Variants in ELK4 observed in about 807,000 individuals in gnomAD.
ELK4 encodes ETS transcription factor ELK4.
A neutral mutation model predicts 29.6 loss-of-function variants in ELK4; 16 were observed. The observed-to-expected ratio is 0.54, with a 90% CI of 0.37 to 0.82. The LOEUF (loss-of-function observed/expected upper bound fraction) is 0.82, where lower values mean the gene tolerates loss of function less well. Among genes scored for constraint, ELK4 ranks in the 40% least tolerant of loss-of-function variants. The probability of loss-of-function intolerance (pLI) is 0.00; values close to 1 mark genes in which losing one functional copy is unlikely to be tolerated. For synonymous variants in ELK4, 213 were observed against 191.1 expected (o/e 1.11, Z -0.95); for missense variants, 465 against 507.1 (o/e 0.92, Z 0.80).
intron 4 of ELK4, among the ~76,000 whole-genome samples, chr1:205,618,004 A>G (rs1670264745): frequency 1.7e-5 from 1 of 60,056 alleles, no homozygotes; most frequent in Non-Finnish European, 3.9e-5. Context: ...AGAGAGCAAG[A>G]GAGAGAGAGA....
chr1:205,629,939 G>A (rs556071887), intron 1 of ELK4, among the ~76,000 whole-genome samples: 44 of 152,102 alleles, frequency 2.9e-4, no homozygotes, highest in African/African-American at 1.0e-3. Context: ...CTACTCGGGA[G>A]GCTGAGGTGG....
chr1:205,618,855 G>A, intron 4 of ELK4, 102 bp downstream of exon 4: 1 of 826,996 alleles, frequency 1.2e-6, no homozygotes, highest in Non-Finnish European at 1.9e-6. Context: ...TCATTAAATA[G>A]AAGTTTTATA....
rs886875546 is a variant in ELK4 at position 205,610,994 on chromosome 1, A to C, written c.*5552T>G. 3 of 222,624 alleles carry C rather than the reference A, an allele frequency of 1.3e-5. No individual in the cohort carries two copies. Among genetic ancestry groups the C allele is most frequent in the Admixed American group, 1.1e-4 (2 of 17,448 alleles). 13.8% of individuals were successfully genotyped at this position (222,624 alleles called of 1,614,324 possible). Reference sequence around the variant, plus strand: ...TTAACTATGTTTGATTGTATCCCTCATGAATTTTCTTGTTAAAAGTTTCCT... The same window carrying C: ...TTAACTATGTTTGATTGTATCCCTCCTGAATTTTCTTGTTAAAAGTTTCCT... On this transcript the variant is annotated 3_prime_UTR_variant, in exon 5 of 5. Coordinates refer to ENST00000357992, the MANE Select transcript of ELK4 (RefSeq NM_001973.4).
In ELK4 at chr1:205,611,322, C is replaced by T. The variant is rs1048555007; in HGVS notation, c.*5224G>A. ...TGACTTGTATAGTAACAGGTTCCACCAAGTACAAGAAATAAAATCAAACCA... is the reference window on the plus strand; with the variant it reads ...TGACTTGTATAGTAACAGGTTCCACTAAGTACAAGAAATAAAATCAAACCA... On this transcript the variant is annotated 3_prime_UTR_variant, in exon 5 of 5. Transcript: ENST00000357992. 3 of 210,144 alleles carry T rather than the reference C, an allele frequency of 1.4e-5. No individual in the cohort carries two copies. The highest frequency in any genetic ancestry group is 1.2e-4 in the Admixed American group (2 of 17,038). 13.0% of individuals were successfully genotyped at this position (210,144 alleles called of 1,614,324 possible). A position where few individuals can be genotyped will look rare whatever the true frequency, so the allele number is the denominator to read the frequency against.
Position 205,609,478 on chromosome 1 carries a change from TA to T in ELK4, c.*7067del. The T allele has an allele frequency of 5.2e-6, 1 of 192,790 alleles. No individual in the cohort carries two copies. The highest frequency in any genetic ancestry group is 1.1e-5 in the Non-Finnish European group (1 of 92,218). The allele number at this position is 192,790 out of a possible 1,614,324, so 11.9% of individuals were successfully genotyped here. On this transcript the variant is annotated 3_prime_UTR_variant, in exon 5 of 5. Coordinates refer to ENST00000357992, the MANE Select transcript of ELK4 (RefSeq NM_001973.4). ...AAACAAATAAATAGGCCTCAAGGAATAAAAAATTAATTGTATTCGTTTCTTT... is the reference window on the plus strand; with the variant it reads ...AAACAAATAAATAGGCCTCAAGGAATAAAAATTAATTGTATTCGTTTCTTT...
chr1:205,622,965 C>T (rs978380756), intron 2 of ELK4, among the ~76,000 whole-genome samples: 2 of 151,720 alleles, frequency 1.3e-5, no homozygotes, highest in African/African-American at 4.8e-5. Context: ...TGGTGAAACC[C>T]CACCTCTACT....
At chr1:205,623,453 G>A (rs1202675422) in intron 2 of ELK4, among the ~76,000 whole-genome samples, 3 of 151,746 alleles carry the variant, frequency 2.0e-5, no homozygotes, top group Non-Finnish European at 4.4e-5. Flanking sequence ...GGGATTACAG[G>A]TGCCCACCAC....
chr1:205,623,585 G>T (rs1427328429), intron 2 of ELK4, 91 bp downstream of exon 2: 4 of 1,447,628 alleles, frequency 2.8e-6, no homozygotes, highest in Admixed American at 1.7e-5. Flanking sequence ...AAAGTGCTGG[G>T]ATTACAGGCG....
In ELK4 at chr1:205,620,670, C is replaced by T. The variant is rs1391633158; in HGVS notation, c.376G>A (p.Asp126Asn). Residue 126 changes from aspartate to asparagine, a missense_variant, in exon 3 of 5, where the codon GAT (aspartate) becomes AAT (asparagine). This residue lies in a region of ELK4 where 385 missense variants were observed against 387.5 expected (regional missense o/e 0.99). Transcript: ENST00000357992. ...SSKDVENGGK[D>N]KPPQPGAKTS... is the part of the protein sequence containing the mutation. ...TTGGCACCAGGCTGAGGTGGTTTATCTTTCCCTCCATTCTCCACATCTTTG... is the reference window on the plus strand; with the variant it reads ...TTGGCACCAGGCTGAGGTGGTTTATTTTTCCCTCCATTCTCCACATCTTTG... 1.2e-6 allele frequency: 2 copies of T among 1,614,036 alleles called. No homozygotes were observed. The highest frequency in any genetic ancestry group is 1.3e-5 in the African/African-American group (1 of 74,902).
Position 205,613,354 on chromosome 1 carries a change from AAAAG to A in ELK4, c.*3188_*3191del, listed in dbSNP as rs1480497852. ...GAAAGATCTCATTTCTAAAAAAAGA[AAAAG>A]AAAAAGATCACTGAAGTCAGACATG... On this transcript the variant is annotated 3_prime_UTR_variant, in exon 5 of 5. Transcript: ENST00000357992. The A allele has an allele frequency of 1.6e-4, 29 of 185,932 alleles. No individual in the cohort carries two copies. The highest frequency in any genetic ancestry group is 2.5e-4 in the Non-Finnish European group (22 of 87,978). 11.5% of individuals were successfully genotyped at this position (185,932 alleles called of 1,614,324 possible). A position where few individuals can be genotyped will look rare whatever the true frequency, so the allele number is the denominator to read the frequency against.
chr1:205,620,847 T>TAAAAAA lies in ELK4; in HGVS notation c.208-15_208-10dup. ...ACTTTTTTGATGATATTCTGTAGGT[T>TAAAAAA]AAAAAAAAAAGCATTTTTATCCTTT... is the stretch of plus-strand genomic sequence containing the variant. On this transcript the variant is annotated splice_polypyrimidine_tract_variant and intron_variant, in intron 2 of 4. Transcript: ENST00000357992. The TAAAAAA allele has an allele frequency of 7.3e-7, 1 of 1,374,032 alleles. No individual in the cohort carries two copies. The highest frequency in any genetic ancestry group is 1.5e-5 in the African/African-American group (1 of 67,030). The allele number at this position is 1,374,032 out of a possible 1,614,324, so 85.1% of individuals were successfully genotyped here.
At chr1:205,616,905 C>CA (rs1252044185) in intron 4 of ELK4, among the ~76,000 whole-genome samples, 2 of 152,234 alleles carry the variant, frequency 1.3e-5, no homozygotes, top group Non-Finnish European at 2.9e-5. Flanking sequence ...TACCCTCCTT[C>CA]ATATCCTAAG....
Position 205,620,634 on chromosome 1 carries a change from G to T in ELK4, c.412C>A (p.Arg138Ser). The T allele has an allele frequency of 6.2e-7, 1 of 1,614,070 alleles. No individual in the cohort carries two copies. Among genetic ancestry groups the T allele is most frequent in the Non-Finnish European group, 8.5e-7 (1 of 1,180,004 alleles). The stretch of plus-strand genomic sequence containing the variant: ...AAGCCAGAGTGTATGTAGTCATTGC[G>T]GCTAGAGGTCTTGGCACCAGGCTGA... ...PPQPGAKTSS[R>S]NDYIHSGLYS... The change falls in exon 3 of 5, where the codon CGC becomes AGC. Residue 138 changes from arginine (R) to serine (S), a missense_variant. By Grantham distance (110) the Arg-to-Ser change is moderately radical. Around this residue, in one of 2 missense-constraint regions of ELK4, gnomAD observed 385 missense variants for 387.5 expected, o/e 0.99. Transcript: ENST00000357992.
intron 4 of ELK4, among the ~76,000 whole-genome samples, chr1:205,618,624 G>A (rs1670275038): frequency 6.6e-6 from 1 of 152,152 alleles, no homozygotes; most frequent in Admixed American, 6.5e-5. Flanking sequence ...AGGAGTTGGA[G>A]ACCAGTCTGG....
Position 205,620,579 on chromosome 1 carries a change from T to C in ELK4, c.467A>G (p.Asn156Ser). ...LYSSFTLNSLNSSNVKLFKLI... is the reference protein window; with the variant it reads ...LYSSFTLNSLSSSNVKLFKLI... ...TTTGAAAAGCTTTACATTGGAGGAG[T>C]TCAAAGAGTTGAGAGTAAATGAAGA... Residue 156 changes from asparagine to serine, a missense_variant, in exon 3 of 5, where the codon AAC (asparagine) becomes AGC (serine). Coordinates refer to ENST00000357992, the MANE Select transcript of ELK4 (RefSeq NM_001973.4). 1 of 1,614,108 alleles carries C rather than the reference T, an allele frequency of 6.2e-7. No individual in the cohort carries two copies. The highest frequency in any genetic ancestry group is 1.1e-5 in the South Asian group (1 of 91,072).
At chr1:205,630,146 C>G (rs1460540663) in intron 1 of ELK4, among the ~76,000 whole-genome samples, 2 of 151,440 alleles carry the variant, frequency 1.3e-5, no homozygotes, top group Non-Finnish European at 2.9e-5. Flanking sequence ...ACAGGAATCC[C>G]GAGTTTTCCA....
intron 2 of ELK4, 147 bp from the exon 3 acceptor site, chr1:205,620,985 A>C: frequency 1.1e-6 from 1 of 900,704 alleles, no homozygotes; most frequent in East Asian, 2.7e-5. Flanking sequence ...TCACGAGGTC[A>C]GGAGATTGAG....
Position 205,619,082 on chromosome 1 carries a change from C to G in ELK4, c.1081-9G>C. The G allele has an allele frequency of 1.3e-6, 2 of 1,527,698 alleles. No homozygotes were observed. The highest frequency in any genetic ancestry group is 3.4e-4 in the Middle Eastern group (2 of 5,852). The allele number at this position is 1,527,698 out of a possible 1,614,324, so 94.6% of individuals were successfully genotyped here. A position where few individuals can be genotyped will look rare whatever the true frequency, so the allele number is the denominator to read the frequency against. On this transcript the variant is annotated splice_polypyrimidine_tract_variant and intron_variant, in intron 3 of 4. Transcript: ENST00000357992. ...GTCAGTATGATGGGTGTCTGCAATA[C>G]ACAAAGCAAAAATATTCACTGACTG...
Position 205,620,816 on chromosome 1 carries a change from C to T in ELK4, c.230G>A (p.Gly77Asp). Residue 77 changes from glycine (G) to aspartate (D), a missense_variant, in exon 3 of 5, where the codon GGT becomes GAT. Gly to Asp is a moderately conservative substitution (Grantham distance 94, BLOSUM62 -1). Around this residue, in one of 2 missense-constraint regions of ELK4, gnomAD observed 385 missense variants for 387.5 expected, o/e 0.99. Transcript: ENST00000357992. ...YVKNIIKKVN[G>D]QKFVYKFVSY... ...GACAAACTTGTACACAAACTTCTGACCATTCACTTTTTTGATGATATTCTG... is the reference window on the plus strand; with the variant it reads ...GACAAACTTGTACACAAACTTCTGATCATTCACTTTTTTGATGATATTCTG... 1 of 1,610,502 alleles carries T rather than the reference C, an allele frequency of 6.2e-7. No individual in the cohort carries two copies. Among genetic ancestry groups the T allele is most frequent in the Non-Finnish European group, 8.5e-7 (1 of 1,179,026 alleles).
Sources: allele counts gnomAD v4.1 joint callset (sites outside exome capture counted in the v4.1 genomes callset), GRCh38; gene constraint gnomAD v4.1.1; regional missense constraint gnomAD v4.1.1; transcripts MANE v1.5; gene names NCBI Gene and HGNC (gene_info 2026-07-23, HGNC 2026-07-21).